The following EVC variants were observed in gnomAD, a reference collection of about 807,000 sequenced individuals.
EVC encodes EvC ciliary complex subunit 1, also known as evC complex member EVC.
Under a neutral mutation model 118.9 loss-of-function variants are expected in EVC, and 116 were observed. The observed-to-expected ratio is 0.98, with a 90% CI of 0.84 to 1.14. The LOEUF is 1.14. Among genes scored for constraint, EVC ranks in the 50% most tolerant of loss-of-function variants. The pLI, the probability that EVC is intolerant of heterozygous loss-of-function variation, is 0.00. For missense variants in EVC, 1,401 were observed against 1,246.4 expected, an observed-to-expected ratio of 1.12 and a Z score of -1.87; for synonymous variants, 619 against 534.7, an observed-to-expected ratio of 1.16 and a Z score of -2.18.
the EVC span, among the ~76,000 whole-genome samples, chr4:5,819,969 G>C: frequency 6.6e-6 from 1 of 152,202 alleles, no homozygotes; most frequent in African/African-American, 2.4e-5. Flanking sequence ...TGTGGGACCA[G>C]AGCATCCAAA....
intron 12 of EVC, 130 bp downstream of exon 12, chr4:5,783,894 C>G (rs1250841016): frequency 1.4e-5 from 12 of 858,158 alleles, no homozygotes; most frequent in Non-Finnish European, 2.1e-5. Context: ...ACTGTTGCCT[C>G]CCTTTCACAA....
rs554779896 is a variant in EVC at position 5,789,038 on chromosome 4, A to T, written c.1777-4570A>T. ...TGTATGCCACTAATTTTTAGGATACATATTTAAAAATATTTTAACATCCCT... is the reference window on the plus strand; with the variant it reads ...TGTATGCCACTAATTTTTAGGATACTTATTTAAAAATATTTTAACATCCCT... On this transcript the variant is annotated intron_variant, in intron 12 of 20. Coordinates refer to ENST00000264956, the MANE Select transcript of EVC (RefSeq NM_153717.3). The surrounding 1 kb of genome is among the most constrained non-coding windows in gnomAD (Gnocchi z 4.3). 2.0e-5 allele frequency among the ~76,000 whole-genome samples: 3 copies of T among 152,222 alleles called. No individual in the cohort carries two copies. Among genetic ancestry groups the T allele is most frequent in the Admixed American group, 6.5e-5 (1 of 15,290 alleles).
At chr4:5,777,411 C>T (rs1448801248) in intron 11 of EVC, among the ~76,000 whole-genome samples, 1 of 152,136 alleles carries the variant, frequency 6.6e-6, no homozygotes, top group Non-Finnish European at 1.5e-5. Flanking sequence ...GAACAATGAA[C>T]TTGAACTTCG....
At chr4:5,722,709 T>C (rs1375917538) in intron 2 of EVC, among the ~76,000 whole-genome samples, 1 of 152,240 alleles carries the variant, frequency 6.6e-6, no homozygotes, top group African/African-American at 2.4e-5. Flanking sequence ...ATGCATTCTC[T>C]GAAAAGAACC....
intron 12 of EVC, among the ~76,000 whole-genome samples, chr4:5,784,364 T>C (rs1208332314): frequency 6.6e-6 from 1 of 152,030 alleles, no homozygotes; most frequent in Non-Finnish European, 1.5e-5. Context: ...GAGGTCGGAA[T>C]GGTGTGGCTG....
intron 17 of EVC, among the ~76,000 whole-genome samples, chr4:5,806,411 C>T (rs755192510): frequency 2.0e-5 from 3 of 152,134 alleles, no homozygotes; most frequent in Non-Finnish European, 4.4e-5. Flanking sequence ...CATGTGCACA[C>T]ATTATTGAGC....
intron 11 of EVC, among the ~76,000 whole-genome samples, chr4:5,767,159 T>C (rs11939647): frequency 0.79 from 119,758 of 151,408 alleles, 47,414 homozygotes; most frequent in East Asian, 0.82. Flanking sequence ...AGTACCCTGC[T>C]GTGTGAGGTG....
intron 12 of EVC, among the ~76,000 whole-genome samples, chr4:5,786,095 G>T (rs1560406464): frequency 6.6e-6 from 1 of 152,342 alleles, no homozygotes; most frequent in East Asian, 1.9e-4. Flanking sequence ...ACTTTAGCCA[G>T]TGAGCTGACC....
chr4:5,805,566 T>C (rs1715735357), intron 17 of EVC, among the ~76,000 whole-genome samples: 1 of 152,326 alleles, frequency 6.6e-6, no homozygotes, highest in Non-Finnish European at 1.5e-5. Context: ...TCGGCTTTCC[T>C]GCGAAACTTG....
rs1727910297 is a variant in EVC at position 5,737,670 on chromosome 4, C to A, written c.703-4046C>A. Among the ~76,000 whole-genome samples the A allele has an allele frequency of 6.6e-6, 1 of 152,188 alleles. No homozygotes were observed. The highest frequency in any genetic ancestry group is 1.5e-5 in the Non-Finnish European group (1 of 68,034). ...ATAAGTGGAACAACAAAGCCTGGAT[C>A]ACAACACAGCTGTTTATAGCATAGT... On this transcript the variant is annotated intron_variant, in intron 5 of 20. Coordinates refer to ENST00000264956, the MANE Select transcript of EVC (RefSeq NM_153717.3). This position sits in a 1 kb window ranked among gnomAD's most constrained non-coding sequence, Gnocchi z 5.0.
intron 9 of EVC, among the ~76,000 whole-genome samples, 170 bp downstream of exon 9, chr4:5,753,222 T>C (rs1319229742): frequency 5.9e-5 from 9 of 152,198 alleles, no homozygotes; most frequent in Admixed American, 5.9e-4. Flanking sequence ...TCTGGGGCTC[T>C]CTTCCCTTCT....
chr4:5,804,036 G>T (rs999340213), intron 16 of EVC, among the ~76,000 whole-genome samples: 2 of 151,030 alleles, frequency 1.3e-5, no homozygotes, highest in African/African-American at 4.9e-5. Context: ...TGCTTCCTGT[G>T]TTCCAGCAAT....
chr4:5,823,737 C>T, the EVC span, among the ~76,000 whole-genome samples: 1 of 152,240 alleles, frequency 6.6e-6, no homozygotes, highest in African/African-American at 2.4e-5. Context: ...GAGGCCCTCA[C>T]CAGAAGCAGA....
At chr4:5,760,958 A>G (rs1349504809) in intron 11 of EVC, among the ~76,000 whole-genome samples, 6 of 152,164 alleles carry the variant, frequency 3.9e-5, no homozygotes, top group Admixed American at 2.6e-4. Flanking sequence ...GTCGCCTGGC[A>G]TATTTTACAT....
In EVC at chr4:5,793,713, G is replaced by C. The variant is rs1713227936; in HGVS notation, c.1882G>C (p.Glu628Gln). Reference protein sequence around the residue: ...GVLGRLGGLTEESTRCVLQGH... With the variant: ...GVLGRLGGLTQESTRCVLQGH... ...CTTGGGCCGACTGGGCGGCCTCACT[G>C]AAGAGTGAGTACAGCTCCCTGAAGG... The change falls in exon 13 of 21, where the codon GAA becomes CAA. Residue 628 changes from glutamate to glutamine, a missense_variant. Coordinates refer to ENST00000264956, the MANE Select transcript of EVC (RefSeq NM_153717.3). 1 of 1,548,992 alleles carries C rather than the reference G, an allele frequency of 6.5e-7. No homozygotes were observed. The highest frequency in any genetic ancestry group is 8.7e-7 in the Non-Finnish European group (1 of 1,146,030).
chr4:5,711,407 G>T lies in EVC; in HGVS notation c.27G>T (p.Lys9Asn). 1 of 1,021,558 alleles carries T rather than the reference G, an allele frequency of 9.8e-7. No homozygotes were observed. The highest frequency in any genetic ancestry group is 4.4e-5 in the South Asian group (1 of 22,664). 63.3% of individuals were successfully genotyped at this position (1,021,558 alleles called of 1,614,324 possible). Residue 9 changes from lysine (K) to asparagine (N), a missense_variant, in exon 1 of 21, where the codon AAG (lysine) becomes AAT (asparagine). Transcript: ENST00000264956. MARGGAACKSDARLLLGRD... is the reference protein window; with the variant it reads MARGGAACNSDARLLLGRD... ...TGGCCCGCGGCGGGGCGGCCTGCAAGAGCGACGCGCGGCTGCTGCTGGGGC... is the reference window on the plus strand; with the variant it reads ...TGGCCCGCGGCGGGGCGGCCTGCAATAGCGACGCGCGGCTGCTGCTGGGGC...
intron 16 of EVC, 104 bp downstream of exon 16, chr4:5,802,198 A>G (rs1486913158): frequency 9.6e-6 from 14 of 1,459,750 alleles, no homozygotes; most frequent in Non-Finnish European, 1.3e-5. Context: ...ATTTTTGGGA[A>G]TATAATTATT....
At position 5,756,417 on chromosome 4, in the gene EVC, A is replaced by G; in HGVS notation, c.1563+55A>G. On this transcript the variant is annotated intron_variant, in intron 11 of 20. Transcript: ENST00000264956. This position sits in a 1 kb window ranked among gnomAD's most constrained non-coding sequence, Gnocchi z 4.2. ...AAGCCCCAGGGTCTGTGTGTGTGCG[A>G]GAACCTCACATCCTCCTGGCTGGGG... 2 of 1,443,436 alleles carry G rather than the reference A, an allele frequency of 1.4e-6. No homozygotes were observed. The highest frequency in any genetic ancestry group is 2.8e-5 in the African/African-American group (2 of 71,672). 89.4% of individuals were successfully genotyped at this position (1,443,436 alleles called of 1,614,324 possible). A position where few individuals can be genotyped will look rare whatever the true frequency, so the allele number is the denominator to read the frequency against.
intron 1 of EVC, among the ~76,000 whole-genome samples, chr4:5,716,437 A>G (rs1270106208): frequency 2.0e-5 from 3 of 152,176 alleles, no homozygotes; most frequent in Non-Finnish European, 4.4e-5. Context: ...GCAGAAAAGA[A>G]CCTTAGCTCA....
Sources: allele counts gnomAD v4.1 joint callset (sites outside exome capture counted in the v4.1 genomes callset), GRCh38; gene constraint gnomAD v4.1.1; non-coding constraint Gnocchi (gnomAD v3.1); transcripts MANE v1.5; gene names NCBI Gene and HGNC (gene_info 2026-07-23, HGNC 2026-07-21).